DGKI: variants seen among roughly 807,000 people sequenced by gnomAD.
The protein encoded by DGKI is DAG kinase iota.
A neutral mutation model predicts 147.5 loss-of-function variants in DGKI; 55 were observed. The observed-to-expected ratio is 0.37, with a 90% CI of 0.30 to 0.47. The LOEUF (loss-of-function observed/expected upper bound fraction) is 0.47, where lower values mean the gene tolerates loss of function less well. DGKI is among the 20% of genes least tolerant of loss of function. DGKI has a pLI of 1.00. For missense variants in DGKI, 1,007 were observed against 1,323.8 expected, an observed-to-expected ratio of 0.76 and a Z score of 3.71; for synonymous variants, 469 against 477.1, an observed-to-expected ratio of 0.98 and a Z score of 0.22.
At chr7:137,724,072 G>A (rs1794650200) in intron 1 of DGKI, among the ~76,000 whole-genome samples, 1 of 152,080 alleles carries the variant, frequency 6.6e-6, no homozygotes, top group African/African-American at 2.4e-5. Flanking sequence ...AGGTAAGAGA[G>A]AGAGAGAGAG....
intron 14 of DGKI, among the ~76,000 whole-genome samples, chr7:137,584,884 A>T (rs1468686085): frequency 6.6e-6 from 1 of 152,178 alleles, no homozygotes; most frequent in East Asian, 1.9e-4. Context: ...ACAAATATAC[A>T]TATTTTTTCA....
intron 1 of DGKI, among the ~76,000 whole-genome samples, chr7:137,748,375 C>G (rs1163409427): frequency 6.7e-6 from 1 of 149,388 alleles, no homozygotes; most frequent in Non-Finnish European, 1.5e-5. Flanking sequence ...AGAATGGGGG[C>G]GGAATATAAA....
chr7:137,538,769 T>C (rs1431962538), intron 20 of DGKI, among the ~76,000 whole-genome samples: 2 of 152,192 alleles, frequency 1.3e-5, no homozygotes, highest in African/African-American at 2.4e-5. Context: ...GGCTATACAA[T>C]GTGGACAGGT....
chr7:137,634,860 A>T (rs1821255738), intron 6 of DGKI, among the ~76,000 whole-genome samples: 1 of 152,162 alleles, frequency 6.6e-6, no homozygotes. Flanking sequence ...ATAATAAGAA[A>T]TCCTCCTCAT....
chr7:137,712,421 A>G (rs950219759), intron 1 of DGKI, among the ~76,000 whole-genome samples: 1 of 152,224 alleles, frequency 6.6e-6, no homozygotes, highest in Non-Finnish European at 1.5e-5. Context: ...ATCAAAATTG[A>G]AAGTGTGCCA....
In DGKI at chr7:137,588,746, G is replaced by A. The variant is rs189535514; in HGVS notation, c.1312-1536C>T. Among the ~76,000 whole-genome samples, 565 of 152,230 alleles carry A rather than the reference G, an allele frequency of 3.7e-3. 4 individuals carry two copies. The highest frequency in any genetic ancestry group is 5.2e-3 in the Admixed American group (79 of 15,298). On this transcript the variant is annotated intron_variant, in intron 12 of 32. Transcript: ENST00000614521. ...CCACCTCGGCCTCCCAAAGTGCTGGGATTACAGGCGTGAGCCACCGTGCCA... is the reference window on the plus strand; with the variant it reads ...CCACCTCGGCCTCCCAAAGTGCTGGAATTACAGGCGTGAGCCACCGTGCCA...
chr7:137,755,536 G>T (rs191446723), intron 1 of DGKI, among the ~76,000 whole-genome samples: 22 of 152,136 alleles, frequency 1.4e-4, no homozygotes, highest in African/African-American at 4.8e-4. Context: ...GAAACAAATC[G>T]ACCTGAATGC....
rs1563174867 is a variant in DGKI at position 137,738,733 on chromosome 7, C to CTG, written c.402-48732_402-48731insCA. Among the ~76,000 whole-genome samples the CTG allele has an allele frequency of 9.1e-3, 1,356 of 148,278 alleles. 20 individuals carry two copies. The highest frequency in any genetic ancestry group is 0.032 in the African/African-American group (1,281 of 39,448). The stretch of plus-strand genomic sequence containing the variant: ...ACAGAGAAGATGAGGTTCCCCCCCC[C>CTG]CCTTTCCTTTTCATATCCGATTTAC... On this transcript the variant is annotated intron_variant, in intron 1 of 32. Coordinates refer to ENST00000614521, the MANE Select transcript of DGKI (RefSeq NM_001321708.2).
rs565740245 is a variant in DGKI, at chr7:137,822,173, G to A, written c.401+24289C>T. Among the ~76,000 whole-genome samples, 6 of 152,324 alleles carry A rather than the reference G, an allele frequency of 3.9e-5. No individual in the cohort carries two copies. In the East Asian group the frequency reaches 1.2e-3, roughly 29 times the overall value. ...TGTAATCCCAGCACTTTGGGAGGCT[G>A]AGGCGGTTGGATCACCTGAGGTCAG... is the stretch of plus-strand genomic sequence containing the variant. On this transcript the variant is annotated intron_variant, in intron 1 of 32. Transcript: ENST00000614521.
rs568152930 is a variant in DGKI at position 137,420,967 on chromosome 7, C to T, written c.2762-8760G>A. 1.3e-4 allele frequency among the ~76,000 whole-genome samples: 20 copies of T among 151,944 alleles called. No individual in the cohort carries two copies. In the East Asian group the frequency reaches 1.4e-3, roughly 10 times the overall value. Reference sequence around the variant, plus strand: ...CCAGGAGGCGGAGGTTGCAGTGAGCCGAGATCACGCCACTGCACTCCAGCC... The same window carrying T: ...CCAGGAGGCGGAGGTTGCAGTGAGCTGAGATCACGCCACTGCACTCCAGCC... On this transcript the variant is annotated intron_variant, in intron 28 of 32. Coordinates refer to ENST00000614521, the MANE Select transcript of DGKI (RefSeq NM_001321708.2).
At chr7:137,537,705 A>T (rs1817565646) in intron 20 of DGKI, among the ~76,000 whole-genome samples, 1 of 152,190 alleles carries the variant, frequency 6.6e-6, no homozygotes, top group South Asian at 2.1e-4. Context: ...CCACTGGCCC[A>T]TGAGTGCGAT....
At chr7:137,676,080 T>C (rs1425133089) in intron 3 of DGKI, among the ~76,000 whole-genome samples, 2 of 152,096 alleles carry the variant, frequency 1.3e-5, no homozygotes, top group African/African-American at 2.4e-5. Context: ...AGAGATGACA[T>C]GCGCCTCACA....
In DGKI at chr7:137,572,759, G is replaced by C; in HGVS notation, c.1835+6C>G. The C allele has an allele frequency of 1.3e-6, 2 of 1,589,120 alleles. No homozygotes were observed. The highest frequency in any genetic ancestry group is 1.7e-6 in the Non-Finnish European group (2 of 1,164,778). ...AAACCAAGGAAACAATACAAACAGAGCCTACCTGGGTATATTTAAAAATAC... is the reference window on the plus strand; with the variant it reads ...AAACCAAGGAAACAATACAAACAGACCCTACCTGGGTATATTTAAAAATAC... On this transcript the variant is annotated splice_donor_region_variant and intron_variant, in intron 18 of 32. Coordinates refer to ENST00000614521, the MANE Select transcript of DGKI (RefSeq NM_001321708.2).
rs1052499502 is a variant in DGKI at position 137,818,044 on chromosome 7, T to C, written c.401+28418A>G. ...ACATTGTCTTACAGCATGAGAATCA[T>C]ATAGAAACCGTTTATTCCATTTGGT... On this transcript the variant is annotated intron_variant, in intron 1 of 32. Coordinates refer to ENST00000614521, the MANE Select transcript of DGKI (RefSeq NM_001321708.2). Among the ~76,000 whole-genome samples, 4 of 152,186 alleles carry C rather than the reference T, an allele frequency of 2.6e-5. No homozygotes were observed. In the East Asian group the frequency reaches 5.8e-4, roughly 22 times the overall value.
chr7:137,662,969 C>T (rs996533727), intron 3 of DGKI, among the ~76,000 whole-genome samples: 3 of 152,134 alleles, frequency 2.0e-5, no homozygotes, highest in South Asian at 4.1e-4. Context: ...AAAGGATACA[C>T]CAAAATACTC....
At chr7:137,656,651 G>A in intron 3 of DGKI, 111 bp from the exon 4 acceptor site, 1 of 990,726 alleles carries the variant, frequency 1.0e-6, no homozygotes, top group Admixed American at 2.4e-5. Flanking sequence ...AGCAAACATT[G>A]TAATTATTTC....
At chr7:137,708,343 T>C (rs1794106802) in intron 1 of DGKI, among the ~76,000 whole-genome samples, 4 of 152,216 alleles carry the variant, frequency 2.6e-5, no homozygotes, top group Admixed American at 2.0e-4. Flanking sequence ...AAAAGCAATA[T>C]CTTCTCTCCC....
At chr7:137,844,859 C>A (rs1798662930) in intron 1 of DGKI, among the ~76,000 whole-genome samples, 1 of 152,170 alleles carries the variant, frequency 6.6e-6, no homozygotes, top group African/African-American at 2.4e-5. Flanking sequence ...TACCAATAAG[C>A]CAGGAGCAGC....
rs1811077741 is a variant in DGKI, at chr7:137,382,249, A to C, written c.*8971T>G. ...CATATATCTATCATTTTTAAGAGGA[A>C]AATGTATATTTAAACCCAAAATAAC... is the stretch of plus-strand genomic sequence containing the variant. On this transcript the variant is annotated 3_prime_UTR_variant, in exon 33 of 33. Transcript: ENST00000614521. 1 of 152,122 alleles carries C rather than the reference A, an allele frequency of 6.6e-6. No individual in the cohort carries two copies. The highest frequency in any genetic ancestry group is 1.5e-5 in the Non-Finnish European group (1 of 68,002). The allele number at this position is 152,122 out of a possible 1,614,324, so 9.4% of individuals were successfully genotyped here.
Sources: gnomAD v4.1 joint callset for allele counts (sites outside exome capture counted in the v4.1 genomes callset) on GRCh38, gnomAD v4.1.1 for gene constraint, MANE v1.5 for transcripts, NCBI Gene and HGNC (gene_info 2026-07-23, HGNC 2026-07-21) for gene names.